HIVEP3: variants seen among roughly 807,000 people sequenced by gnomAD.
The protein encoded by HIVEP3 is HIVEP zinc finger 3, also known as transcription factor HIVEP3.
Under a neutral mutation model 152.8 loss-of-function variants are expected in HIVEP3, and 49 were observed. That is an observed-to-expected ratio of 0.32 (90% CI 0.26 to 0.41). The LOEUF (loss-of-function observed/expected upper bound fraction) is 0.41, where lower values mean the gene tolerates loss of function less well. Ranked by LOEUF, HIVEP3 falls within the 10% of genes least tolerant of loss-of-function variation. The probability of loss-of-function intolerance (pLI) is 1.00; values close to 1 mark genes in which losing one functional copy is unlikely to be tolerated. For synonymous variants in HIVEP3, 1,269 were observed against 1,289.0 expected (o/e 0.98, Z 0.33); for missense variants, 2,790 against 3,103.3 (o/e 0.90, Z 2.40).
At chr1:41,767,113 C>A (rs1206512961) in intron 1 of HIVEP3, among the ~76,000 whole-genome samples, 2 of 152,210 alleles carry the variant, frequency 1.3e-5, no homozygotes, top group Admixed American at 6.5e-5. Context: ...GGTCCTGAAC[C>A]TCTCATCTTC....
chr1:41,984,608 G>A (rs750157749), intron 1 of HIVEP3, among the ~76,000 whole-genome samples: 1 of 152,192 alleles, frequency 6.6e-6, no homozygotes, highest in Non-Finnish European at 1.5e-5. Flanking sequence ...AGAAGGGATC[G>A]AACGTTTAAA....
At chr1:41,673,388 A>G (rs1645906176) in intron 2 of HIVEP3, among the ~76,000 whole-genome samples, 1 of 152,172 alleles carries the variant, frequency 6.6e-6, no homozygotes. Context: ...TTTTCAGTTC[A>G]TTATTGCTTT....
chr1:41,879,350 G>C (rs893788644), intron 1 of HIVEP3, among the ~76,000 whole-genome samples: 1 of 152,210 alleles, frequency 6.6e-6, no homozygotes, highest in African/African-American at 2.4e-5. Flanking sequence ...CAGATCTCAA[G>C]TGAGATGCTC....
At chr1:41,738,562 T>C (rs908010563) in intron 1 of HIVEP3, among the ~76,000 whole-genome samples, 3 of 152,148 alleles carry the variant, frequency 2.0e-5, no homozygotes, top group Admixed American at 6.5e-5. Context: ...AGCAGAAAGA[T>C]AGTAGAGTCT....
chr1:41,934,477 GA>G (rs376794487), intron 1 of HIVEP3, among the ~76,000 whole-genome samples: 122 of 152,192 alleles, frequency 8.0e-4, no homozygotes, highest in African/African-American at 2.8e-3. Flanking sequence ...TATTCGTAAA[GA>G]TTTTTTTTCA....
At chr1:41,965,440 A>C (rs1482892989) in intron 1 of HIVEP3, among the ~76,000 whole-genome samples, 1 of 152,252 alleles carries the variant, frequency 6.6e-6, no homozygotes, top group Non-Finnish European at 1.5e-5. Context: ...GCTAAGTTAA[A>C]GGAGTATGTT....
chr1:41,954,796 C>A (rs1645130800), intron 1 of HIVEP3, among the ~76,000 whole-genome samples: 1 of 152,102 alleles, frequency 6.6e-6, no homozygotes, highest in South Asian at 2.1e-4. Context: ...GTCCGAGTCT[C>A]CTCATTTGTG....
At chr1:41,933,103 T>C (rs1228753391) in intron 1 of HIVEP3, among the ~76,000 whole-genome samples, 1 of 152,046 alleles carries the variant, frequency 6.6e-6, no homozygotes, top group Non-Finnish European at 1.5e-5. Flanking sequence ...ATAGTATCAT[T>C]TGGAGAATGT....
At chr1:41,526,966 TCACA>T (rs1333249078) in intron 5 of HIVEP3, among the ~76,000 whole-genome samples, 1 of 57,474 alleles carries the variant, frequency 1.7e-5, no homozygotes, top group African/African-American at 6.2e-5. Context: ...CCACTCATCC[TCACA>T]CTCACCTTCA....
chr1:41,630,522 C>T (rs770834741), intron 2 of HIVEP3, among the ~76,000 whole-genome samples: 1 of 152,132 alleles, frequency 6.6e-6, no homozygotes, highest in Non-Finnish European at 1.5e-5. Context: ...ATACCCTCAC[C>T]GCCTTGAAGA....
chr1:41,896,475 T>C (rs1173985888), intron 1 of HIVEP3, among the ~76,000 whole-genome samples: 3 of 152,202 alleles, frequency 2.0e-5, no homozygotes, highest in Non-Finnish European at 4.4e-5. Flanking sequence ...GACTGCCACT[T>C]GGCCAGAGCT....
intron 1 of HIVEP3, among the ~76,000 whole-genome samples, chr1:41,863,942 A>G (rs1643921865): frequency 6.6e-6 from 1 of 152,244 alleles, no homozygotes; most frequent in South Asian, 2.1e-4. Flanking sequence ...GATAGAAGCT[A>G]AGAAGAATTT....
In HIVEP3 at chr1:41,893,134, A is replaced by C. The variant is rs557897450; in HGVS notation, c.-801+25279T>G. Among the ~76,000 whole-genome samples, 29 of 151,716 alleles carry C rather than the reference A, an allele frequency of 1.9e-4. No homozygotes were observed. The South Asian group carries it at 6.0e-3, about 32-fold the overall frequency. On this transcript the variant is annotated intron_variant, in intron 1 of 8. Coordinates refer to ENST00000372583, the MANE Select transcript of HIVEP3 (RefSeq NM_024503.5). ...CAAGATCTCGTCTCAAAAAAAAAAA[A>C]AAAAAAAACAGAAAAGCAAAAAACC...
Position 41,840,067 on chromosome 1 carries a change from T to C in HIVEP3, c.-801+78346A>G, listed in dbSNP as rs139980419. Among the ~76,000 whole-genome samples, 482 of 152,236 alleles carry C rather than the reference T, an allele frequency of 3.2e-3. 2 individuals are homozygous for C. The highest frequency in any genetic ancestry group is 0.011 in the African/African-American group (460 of 41,538). On this transcript the variant is annotated intron_variant, in intron 1 of 8. Transcript: ENST00000372583. ...ATCGACTGCACAGTGCTGCCTAAAC[T>C]GTTTGGGAATCCTGAGCCTGGCTCT... is the stretch of plus-strand genomic sequence containing the variant.
At chr1:41,870,673 T>C (rs528809166) in intron 1 of HIVEP3, among the ~76,000 whole-genome samples, 1 of 152,370 alleles carries the variant, frequency 6.6e-6, no homozygotes, top group African/African-American at 2.4e-5. Flanking sequence ...CGAAATTGTT[T>C]TATTTATTAA....
chr1:41,969,894 G>A (rs1645219884), intron 1 of HIVEP3, among the ~76,000 whole-genome samples: 1 of 152,086 alleles, frequency 6.6e-6, no homozygotes, highest in South Asian at 2.1e-4. Flanking sequence ...AGTGGGCAAA[G>A]GACATGAACA....
chr1:41,981,210 G>C (rs1395332321), intron 1 of HIVEP3, among the ~76,000 whole-genome samples: 1 of 152,184 alleles, frequency 6.6e-6, no homozygotes, highest in Non-Finnish European at 1.5e-5. Context: ...TCTCCAAAGG[G>C]AGCAAGCTCT....
At chr1:41,868,235 T>C (rs1361697971) in intron 1 of HIVEP3, among the ~76,000 whole-genome samples, 2 of 150,806 alleles carry the variant, frequency 1.3e-5, no homozygotes, top group Non-Finnish European at 3.0e-5. Context: ...CACTCAAATA[T>C]AAGCTCTGTC....
At chr1:41,713,199 G>T (rs1475766206) in intron 1 of HIVEP3, among the ~76,000 whole-genome samples, 1 of 152,042 alleles carries the variant, frequency 6.6e-6, no homozygotes, top group Non-Finnish European at 1.5e-5. Flanking sequence ...TCCCACCCCC[G>T]ATCTGCGCCC....
Sources: gnomAD v4.1 joint callset for allele counts (sites outside exome capture counted in the v4.1 genomes callset) on GRCh38, gnomAD v4.1.1 for gene constraint, MANE v1.5 for transcripts, NCBI Gene and HGNC (gene_info 2026-07-23, HGNC 2026-07-21) for gene names.